TOM1L1: variants seen among roughly 807,000 people sequenced by gnomAD.
The protein encoded by TOM1L1 is target of myb1 like 1 membrane trafficking protein, also known as TOM1-like protein 1.
Under a neutral mutation model 63.4 loss-of-function variants are expected in TOM1L1, and 64 were observed. The ratio of observed to expected loss-of-function variants is 1.01; its 90% CI spans 0.83 to 1.24. TOM1L1 has a LOEUF of 1.24. TOM1L1 is among the 50% of genes most tolerant of loss of function. TOM1L1 has a pLI of 0.00. For missense variants in TOM1L1, 536 were observed against 567.0 expected, an observed-to-expected ratio of 0.95 and a Z score of 0.55; for synonymous variants, 166 against 194.4, an observed-to-expected ratio of 0.85 and a Z score of 1.22.
Position 54,900,899 on chromosome 17 carries a change from G to A in TOM1L1, c.34G>A (p.Ala12Thr), listed in dbSNP as rs2048313077. 1.9e-6 allele frequency: 3 copies of A among 1,613,706 alleles called. No individual in the cohort carries two copies. In the African/African-American group the frequency reaches 4.0e-5, roughly 22 times the overall value. Residue 12 changes from alanine (A) to threonine (T), a missense_variant, in exon 1 of 16, where the codon GCG becomes ACG. Transcript: ENST00000575882. ...TGGCAAGAGTCACCGGGATCCCTAC[G>A]CGACCTCCGTGGGCCACCTCATAGG... ...AFGKSHRDPY[A>T]TSVGHLIEKA...
intron 11 of TOM1L1, among the ~76,000 whole-genome samples, chr17:54,940,671 A>T (rs1473258275): frequency 6.6e-6 from 1 of 152,192 alleles, no homozygotes; most frequent in Non-Finnish European, 1.5e-5. Context: ...TTTATTGCTA[A>T]GTAGGAAAAA....
intron 14 of TOM1L1, among the ~76,000 whole-genome samples, chr17:54,950,892 C>T (rs1000736848): frequency 3.9e-5 from 6 of 152,210 alleles, no homozygotes; most frequent in African/African-American, 1.4e-4. Flanking sequence ...AATGCAGAGA[C>T]TTCTGTGGCC....
intron 11 of TOM1L1, among the ~76,000 whole-genome samples, chr17:54,940,317 T>C (rs2049015731): frequency 6.6e-6 from 1 of 152,256 alleles, no homozygotes; most frequent in African/African-American, 2.4e-5. Flanking sequence ...AATTGTTTTC[T>C]ACTTCTCAGG....
At chr17:54,943,196 A>C (rs2049058987) in intron 11 of TOM1L1, among the ~76,000 whole-genome samples, 1 of 152,086 alleles carries the variant, frequency 6.6e-6, no homozygotes, top group South Asian at 2.1e-4. Flanking sequence ...AAAGATTAGG[A>C]GTTTCTTAGA....
intron 3 of TOM1L1, among the ~76,000 whole-genome samples, chr17:54,910,999 A>G (rs529689334): frequency 6.6e-6 from 1 of 152,284 alleles, no homozygotes; most frequent in African/African-American, 2.4e-5. Flanking sequence ...TGACCTTTCT[A>G]ATTTGAGGTG....
At chr17:54,905,275 C>T (rs2048391714) in intron 2 of TOM1L1, among the ~76,000 whole-genome samples, 1 of 152,122 alleles carries the variant, frequency 6.6e-6, no homozygotes, top group Non-Finnish European at 1.5e-5. Flanking sequence ...TTATTTGATT[C>T]TCATAAGGGG....
chr17:54,960,489 C>A, intron 14 of TOM1L1, 77 bp from the exon 15 acceptor site: 1 of 1,029,322 alleles, frequency 9.7e-7, no homozygotes, highest in South Asian at 1.3e-5. Context: ...TTTTTAATTA[C>A]AGTGCTGGCA....
chr17:54,908,668 G>A (rs1242640209), intron 3 of TOM1L1, among the ~76,000 whole-genome samples: 1 of 152,142 alleles, frequency 6.6e-6, no homozygotes, highest in Non-Finnish European at 1.5e-5. Context: ...CCATCAGTCG[G>A]TGGAGCAGTT....
intron 7 of TOM1L1, among the ~76,000 whole-genome samples, chr17:54,921,245 G>A (rs1471966877): frequency 1.3e-5 from 2 of 152,068 alleles, no homozygotes; most frequent in Non-Finnish European, 2.9e-5. Flanking sequence ...TGAAAGTGTA[G>A]GCACAAATGT....
intron 14 of TOM1L1, chr17:54,954,251 T>C (rs2049379007): frequency 6.6e-6 from 1 of 152,204 alleles, no homozygotes; most frequent in Non-Finnish European, 1.5e-5. Context: ...GGTAGGGTTA[T>C]GTGTGGAGAA....
intron 10 of TOM1L1, 92 bp from the exon 11 acceptor site, chr17:54,938,825 CTTTTTCT>C (rs2048992367): frequency 5.3e-6 from 3 of 563,430 alleles, no homozygotes; most frequent in Admixed American, 3.9e-5. Context: ...TTTTTTTTTT[CTTTTTCT>C]TTTTTCTTTT....
At chr17:54,960,848 C>T (rs1382844120) in intron 15 of TOM1L1, among the ~76,000 whole-genome samples, 3 of 152,124 alleles carry the variant, frequency 2.0e-5, no homozygotes, top group Non-Finnish European at 4.4e-5. Context: ...CTTGGGAATA[C>T]AGTAGTTTAT....
At chr17:54,938,186 T>C (rs1162915576) in intron 10 of TOM1L1, among the ~76,000 whole-genome samples, 1 of 152,102 alleles carries the variant, frequency 6.6e-6, no homozygotes, top group Non-Finnish European at 1.5e-5. Context: ...CCCTTTGGGG[T>C]ATCTCACTTA....
In TOM1L1 at chr17:54,936,691, C is replaced by G; in HGVS notation, c.897C>G (p.Asn299Lys). ...NQQRILEQNK[N>K]QKEATNTTSE... ...AAAGGATTTTGGAGCAAAATAAGAA[C>G]CAGAAGGAAGCCACCAATGTAAGTG... Residue 299 changes from asparagine (N) to lysine (K), a missense_variant, in exon 9 of 16, where the codon AAC (asparagine) becomes AAG (lysine). Coordinates refer to ENST00000575882, the MANE Select transcript of TOM1L1 (RefSeq NM_005486.3). The G allele has an allele frequency of 6.2e-7, 1 of 1,605,934 alleles. No homozygotes were observed. Among genetic ancestry groups the G allele is most frequent in the Non-Finnish European group, 8.5e-7 (1 of 1,177,264 alleles).
intron 14 of TOM1L1, chr17:54,954,769 CT>C (rs1325321919): frequency 6.6e-6 from 1 of 152,208 alleles, no homozygotes; most frequent in Non-Finnish European, 1.5e-5. Flanking sequence ...ATATAGTTCC[CT>C]TTGGCCAATT....
chr17:54,931,574 C>T (rs925740633), intron 8 of TOM1L1, among the ~76,000 whole-genome samples: 7 of 151,958 alleles, frequency 4.6e-5, no homozygotes, highest in Admixed American at 2.6e-4. Context: ...CTGAGGTGGG[C>T]GGATTACTTG....
At chr17:54,906,298 G>A (rs771685803) in intron 3 of TOM1L1, among the ~76,000 whole-genome samples, 3 of 152,002 alleles carry the variant, frequency 2.0e-5, no homozygotes, top group South Asian at 2.1e-4. Context: ...GTGAAACCCC[G>A]TCTCTACTAA....
At chr17:54,928,280 A>G (rs556465050) in intron 7 of TOM1L1, among the ~76,000 whole-genome samples, 2 of 152,250 alleles carry the variant, frequency 1.3e-5, no homozygotes, top group East Asian at 3.9e-4. Flanking sequence ...TATGCCAGAC[A>G]CTGTGGGGTT....
At chr17:54,920,010 T>G (rs73992860) in intron 7 of TOM1L1, among the ~76,000 whole-genome samples, 1 of 142,264 alleles carries the variant, frequency 7.0e-6, no homozygotes, top group African/African-American at 2.6e-5. Flanking sequence ...TTATTTATTT[T>G]ATTTATTCAT....
Sources: gnomAD v4.1 joint callset for allele counts (sites outside exome capture counted in the v4.1 genomes callset) on GRCh38, gnomAD v4.1.1 for gene constraint, MANE v1.5 for transcripts, NCBI Gene and HGNC (gene_info 2026-07-23, HGNC 2026-07-21) for gene names.